RALYL: variants seen among roughly 807,000 people sequenced by gnomAD.
The protein encoded by RALYL is RALY RNA binding protein like.
In RALYL, 29 loss-of-function variants were observed where a neutral mutation model predicts 35.1. The observed-to-expected ratio is 0.83, with a 90% CI of 0.61 to 1.13. The LOEUF is 1.13. RALYL is among the 50% of genes most tolerant of loss of function. The pLI, the probability that RALYL is intolerant of heterozygous loss-of-function variation, is 0.00. For synonymous variants in RALYL, 120 were observed against 127.6 expected (o/e 0.94, Z 0.40); for missense variants, 359 against 360.4 (o/e 1.00, Z 0.03).
intron 1 of RALYL, among the ~76,000 whole-genome samples, chr8:84,241,048 TTA>T (rs937772216): frequency 6.6e-6 from 1 of 151,948 alleles, no homozygotes; most frequent in African/African-American, 2.4e-5. Context: ...ATATATATAC[TTA>T]TATATATTTA....
At chr8:84,380,541 C>T (rs117024223) in intron 1 of RALYL, among the ~76,000 whole-genome samples, 1 of 151,684 alleles carries the variant, frequency 6.6e-6, no homozygotes, top group East Asian at 2.0e-4. Flanking sequence ...AATTCAGATT[C>T]GATGGAAAGA....
intron 1 of RALYL, among the ~76,000 whole-genome samples, chr8:84,349,401 T>TTAA (rs1167945216): frequency 6.7e-6 from 1 of 150,274 alleles, no homozygotes; most frequent in South Asian, 2.1e-4. Context: ...GTATTACAGT[T>TTAA]TAAGAAACTG....
chr8:84,191,366 T>A (rs1331723228), intron 1 of RALYL, among the ~76,000 whole-genome samples: 1 of 152,190 alleles, frequency 6.6e-6, no homozygotes, highest in South Asian at 2.1e-4. Flanking sequence ...AAATACACTA[T>A]AAAGCTTTAA....
intron 1 of RALYL, among the ~76,000 whole-genome samples, chr8:84,288,169 T>G (rs1838036298): frequency 6.6e-6 from 1 of 151,538 alleles, no homozygotes; most frequent in Non-Finnish European, 1.5e-5. Flanking sequence ...TGTTTTTTTT[T>G]GTTTTGTTTT....
chr8:84,505,393 G>GACA (rs1436888205), intron 1 of RALYL, among the ~76,000 whole-genome samples: 3 of 151,786 alleles, frequency 2.0e-5, no homozygotes, highest in Admixed American at 6.6e-5. Flanking sequence ...AGGCATGTTA[G>GACA]TATTGGAAGG....
At chr8:84,254,949 A>G (rs1025581074) in intron 1 of RALYL, among the ~76,000 whole-genome samples, 1 of 151,918 alleles carries the variant, frequency 6.6e-6, no homozygotes, top group Non-Finnish European at 1.5e-5. Flanking sequence ...GACAACACGA[A>G]CAGCATGGGG....
intron 1 of RALYL, among the ~76,000 whole-genome samples, chr8:84,242,675 T>A: frequency 6.6e-6 from 1 of 152,212 alleles, no homozygotes; most frequent in East Asian, 1.9e-4. Context: ...CACTTTTTGA[T>A]GGGGTTGTTT....
At chr8:84,381,171 G>C (rs1047487274) in intron 1 of RALYL, among the ~76,000 whole-genome samples, 1 of 151,900 alleles carries the variant, frequency 6.6e-6, no homozygotes, top group Non-Finnish European at 1.5e-5. Flanking sequence ...CCACGACCCT[G>C]TTTCCAACCT....
intron 2 of RALYL, among the ~76,000 whole-genome samples, chr8:84,740,554 A>G (rs942182915): frequency 7.2e-5 from 11 of 152,006 alleles, no homozygotes; most frequent in Admixed American, 2.6e-4. Context: ...CTACCTTCTG[A>G]AAGTTTTAAG....
intron 4 of RALYL, among the ~76,000 whole-genome samples, chr8:84,816,023 ACT>A (rs1491167016): frequency 8.1e-6 from 1 of 124,128 alleles, no homozygotes; most frequent in African/African-American, 3.2e-5. Flanking sequence ...ACAGAGAGAG[ACT>A]CTGTCTCAAA....
At chr8:84,539,874 ATATG>A (rs1290719074) in intron 2 of RALYL, among the ~76,000 whole-genome samples, 13 of 9,614 alleles carry the variant, frequency 1.4e-3, no homozygotes, top group South Asian at 7.8e-3. Context: ...ATATATATAT[ATATG>A]TATATATATG....
At chr8:84,546,088 G>T (rs934237802) in intron 2 of RALYL, among the ~76,000 whole-genome samples, 62 of 152,184 alleles carry the variant, frequency 4.1e-4, no homozygotes, top group African/African-American at 1.4e-3. Flanking sequence ...AAGTGGCAGG[G>T]CGGGATGAGA....
At chr8:84,846,515 T>G (rs769527421) in intron 4 of RALYL, among the ~76,000 whole-genome samples, 1 of 152,232 alleles carries the variant, frequency 6.6e-6, no homozygotes, top group African/African-American at 2.4e-5. Flanking sequence ...GTTAGGATGA[T>G]GCTGACTTCA....
At chr8:84,875,033 A>C (rs1840868685) in intron 7 of RALYL, among the ~76,000 whole-genome samples, 1 of 128,838 alleles carries the variant, frequency 7.8e-6, no homozygotes, top group Admixed American at 7.5e-5. Context: ...TTCTTAATTA[A>C]AGATTTCTAT....
At chr8:84,849,108 C>T (rs1004795635) in intron 4 of RALYL, among the ~76,000 whole-genome samples, 5 of 152,074 alleles carry the variant, frequency 3.3e-5, no homozygotes, top group Non-Finnish European at 5.9e-5. Context: ...TAAAGTGCTT[C>T]GTAAATTCAA....
intron 1 of RALYL, among the ~76,000 whole-genome samples, chr8:84,191,128 C>A (rs62528127): frequency 6.7e-6 from 1 of 149,860 alleles, no homozygotes; most frequent in Admixed American, 6.7e-5. Context: ...GATGTGGCAG[C>A]GTCATAAAGA....
intron 1 of RALYL, among the ~76,000 whole-genome samples, chr8:84,461,584 ATCT>A (rs1421523756): frequency 6.6e-6 from 1 of 151,766 alleles, no homozygotes; most frequent in Non-Finnish European, 1.5e-5. Context: ...CAGTTGTAAA[ATCT>A]TCTGAAACAT....
chr8:84,831,039 G>T lies in RALYL; in HGVS notation c.366-18941G>T, dbSNP rs1830815952. 2.0e-5 allele frequency among the ~76,000 whole-genome samples: 3 copies of T among 151,542 alleles called. No individual in the cohort carries two copies. In the South Asian group the frequency reaches 6.2e-4, roughly 31 times the overall value. On this transcript the variant is annotated intron_variant, in intron 4 of 8. Transcript: ENST00000521268. ...CAAATATTCCATGAGAAAAATAGAGGAAAAGTAAAATGGCAAAAATGAGAA... is the reference window on the plus strand; with the variant it reads ...CAAATATTCCATGAGAAAAATAGAGTAAAAGTAAAATGGCAAAAATGAGAA...
intron 1 of RALYL, among the ~76,000 whole-genome samples, chr8:84,215,542 T>C (rs1481166963): frequency 6.6e-6 from 1 of 151,932 alleles, no homozygotes; most frequent in Non-Finnish European, 1.5e-5. Flanking sequence ...CATAAGGTTT[T>C]TTTTTTTAAT....
Sources: allele counts gnomAD v4.1 joint callset (sites outside exome capture counted in the v4.1 genomes callset), GRCh38; gene constraint gnomAD v4.1.1; transcripts MANE v1.5; gene names NCBI Gene and HGNC (gene_info 2026-07-23, HGNC 2026-07-21).